The following DNMBP variants were observed in gnomAD, a reference collection of about 807,000 sequenced individuals.
DNMBP encodes dynamin-binding protein.
DNMBP carries 87 observed loss-of-function variants against 150.0 expected under a neutral mutation model. That is an observed-to-expected ratio of 0.58 (90% CI 0.49 to 0.69). The LOEUF (loss-of-function observed/expected upper bound fraction) is 0.69, where lower values mean the gene tolerates loss of function less well. Ranked by LOEUF, DNMBP falls within the 30% of genes least tolerant of loss-of-function variation. The pLI, the probability that DNMBP is intolerant of heterozygous loss-of-function variation, is 0.00. For missense variants in DNMBP, 1,774 were observed against 1,949.0 expected (o/e 0.91, Z 1.69); for synonymous variants, 711 against 750.4 (o/e 0.95, Z 0.86).
At chr10:99,879,453 T>G (rs1265201686) in intron 16 of DNMBP, among the ~76,000 whole-genome samples, 1 of 150,548 alleles carries the variant, frequency 6.6e-6, no homozygotes, top group Non-Finnish European at 1.5e-5. Context: ...GGTGACAAAC[T>G]CCTCAAAAAA....
At chr10:99,981,657 C>A (rs2040781044) in intron 1 of DNMBP, among the ~76,000 whole-genome samples, 3 of 152,156 alleles carry the variant, frequency 2.0e-5, no homozygotes, top group Admixed American at 2.0e-4. Context: ...ATTGAGGATA[C>A]CGAAAATCTG....
At chr10:99,883,390 G>A (rs2039399063) in intron 15 of DNMBP, among the ~76,000 whole-genome samples, 1 of 152,050 alleles carries the variant, frequency 6.6e-6, no homozygotes, top group African/African-American at 2.4e-5. Flanking sequence ...GGTGCTGGGT[G>A]CGGTGGCTCA....
At chr10:99,912,466 C>T (rs1292725527) in intron 4 of DNMBP, among the ~76,000 whole-genome samples, 8 of 152,114 alleles carry the variant, frequency 5.3e-5, no homozygotes, top group Non-Finnish European at 2.9e-5. Context: ...TTTTAAACTA[C>T]CAGCGTGCCT....
At chr10:99,929,401 A>AT (rs2040120078) in intron 4 of DNMBP, among the ~76,000 whole-genome samples, 1 of 152,168 alleles carries the variant, frequency 6.6e-6, no homozygotes, top group Non-Finnish European at 1.5e-5. Context: ...CGAATGTTGC[A>AT]TATTTTTAGC....
chr10:99,962,522 CAG>C lies in DNMBP; in HGVS notation c.269-5319_269-5318del, dbSNP rs1460348112. ...GGCGGGCGCCTGTAGTCCCAGCTAC[CAG>C]GGAGGCTGAGGCAGGAGAACGGTGT... On this transcript the variant is annotated intron_variant, in intron 3 of 16. Coordinates refer to ENST00000324109, the MANE Select transcript of DNMBP (RefSeq NM_015221.4). Among the ~76,000 whole-genome samples, 12 of 152,142 alleles carry C rather than the reference CAG, an allele frequency of 7.9e-5. 1 individual carries two copies. The South Asian group carries it at 8.3e-4, about 11-fold the overall frequency.
chr10:99,879,852 T>C lies in DNMBP; in HGVS notation c.4507A>G (p.Arg1503Gly), dbSNP rs1564712035. ...CARTAQAPED[R>G]STEPDGSEAE... is the part of the protein sequence containing the mutation. ...TCACTGCCATCTGGCTCTGTACTTC[T>C]GTCTTCCGGAGCCTGGGCTGTTCTT... is the stretch of plus-strand genomic sequence containing the variant. Residue 1503 changes from arginine to glycine, a missense_variant, in exon 16 of 17, where the codon AGA becomes GGA. This residue lies in a region of DNMBP where 1,430 missense variants were observed against 1,492.5 expected (regional missense o/e 0.96). Transcript: ENST00000324109. The C allele has an allele frequency of 3.8e-5, 62 of 1,614,272 alleles. No homozygotes were observed. Among genetic ancestry groups the C allele is most frequent in the Non-Finnish European group, 5.1e-5 (60 of 1,180,048 alleles).
intron 3 of DNMBP, among the ~76,000 whole-genome samples, chr10:99,958,883 C>T (rs1051120961): frequency 6.6e-6 from 1 of 152,226 alleles, no homozygotes; most frequent in African/African-American, 2.4e-5. Context: ...TCAGATCCCA[C>T]ACTGCAATTA....
At chr10:99,915,810 T>C (rs2039959425) in intron 4 of DNMBP, among the ~76,000 whole-genome samples, 1 of 152,210 alleles carries the variant, frequency 6.6e-6, no homozygotes, top group Admixed American at 6.5e-5. Context: ...AAACACCCTA[T>C]TATTGTCCCC....
intron 6 of DNMBP, among the ~76,000 whole-genome samples, 167 bp downstream of exon 6, chr10:99,907,828 A>G (rs1327955587): frequency 6.6e-6 from 1 of 152,190 alleles, no homozygotes; most frequent in Non-Finnish European, 1.5e-5. Context: ...TTATTACCCC[A>G]AAGTAGGCTG....
intron 1 of DNMBP, among the ~76,000 whole-genome samples, chr10:100,007,113 T>C (rs2041080511): frequency 6.7e-6 from 1 of 150,276 alleles, no homozygotes; most frequent in African/African-American, 2.4e-5. Context: ...AGACTCTGTC[T>C]CCAAAAAAAA....
intron 4 of DNMBP, among the ~76,000 whole-genome samples, chr10:99,944,343 C>T (rs186756777): frequency 6.6e-6 from 1 of 151,626 alleles, no homozygotes; most frequent in Non-Finnish European, 1.5e-5. Context: ...GAATGCACAC[C>T]CTCTTTTCAA....
At chr10:99,978,811 G>T (rs571390242) in intron 1 of DNMBP, among the ~76,000 whole-genome samples, 3 of 152,126 alleles carry the variant, frequency 2.0e-5, no homozygotes, top group Non-Finnish European at 4.4e-5. Flanking sequence ...CTCAACTCAG[G>T]TGCTCTGCCC....
intron 1 of DNMBP, among the ~76,000 whole-genome samples, chr10:99,980,470 A>G (rs2040770520): frequency 6.6e-6 from 1 of 151,600 alleles, no homozygotes; most frequent in Non-Finnish European, 1.5e-5. Context: ...AAAAGTTACA[A>G]TATGTATCAC....
intron 7 of DNMBP, 85 bp from the exon 8 acceptor site, chr10:99,898,845 CAT>C: frequency 7.9e-7 from 1 of 1,273,074 alleles, no homozygotes; most frequent in Non-Finnish European, 1.1e-6. Context: ...GAACATAAAT[CAT>C]GTGGGACAAA....
chr10:99,990,240 G>A (rs2133375885), intron 1 of DNMBP, among the ~76,000 whole-genome samples: 1 of 152,076 alleles, frequency 6.6e-6, no homozygotes, highest in African/African-American at 2.4e-5. Context: ...TTTTTAGTAG[G>A]CAGATACAAT....
intron 9 of DNMBP, among the ~76,000 whole-genome samples, 198 bp downstream of exon 9, chr10:99,897,888 G>C (rs1351119258): frequency 2.0e-5 from 3 of 152,074 alleles, no homozygotes; most frequent in African/African-American, 4.8e-5. Context: ...ACTCCAGCCT[G>C]GGGGACAGAG....
intron 14 of DNMBP, 105 bp downstream of exon 14, chr10:99,885,582 T>C (rs1350320235): frequency 3.7e-6 from 4 of 1,079,644 alleles, no homozygotes; most frequent in Non-Finnish European, 5.2e-6. Context: ...CCATTTATTA[T>C]GAAATACAGA....
At chr10:99,967,147 C>T (rs116674386) in intron 3 of DNMBP, among the ~76,000 whole-genome samples, 23 of 152,038 alleles carry the variant, frequency 1.5e-4, no homozygotes, top group African/African-American at 5.3e-4. Flanking sequence ...GTCTGTAATC[C>T]CAGCTACTCG....
chr10:99,991,051 C>CA (rs1449677969), intron 1 of DNMBP, among the ~76,000 whole-genome samples: 1 of 151,730 alleles, frequency 6.6e-6, no homozygotes, highest in Non-Finnish European at 1.5e-5. Context: ...TTATCACTAT[C>CA]AATTTTAGAA....
Sources: gnomAD v4.1 joint callset for allele counts (sites outside exome capture counted in the v4.1 genomes callset) on GRCh38, gnomAD v4.1.1 for gene constraint, gnomAD v4.1.1 regional missense constraint, MANE v1.5 for transcripts, NCBI Gene and HGNC (gene_info 2026-07-23, HGNC 2026-07-21) for gene names.